Variants in SLC4A11 observed in about 807,000 individuals in gnomAD.
The protein encoded by SLC4A11 is bicarbonate transporter related protein 1.
SLC4A11 carries 74 observed loss-of-function variants against 95.0 expected under a neutral mutation model. The observed-to-expected ratio is 0.78, with a 90% CI of 0.65 to 0.95. The LOEUF (loss-of-function observed/expected upper bound fraction) is 0.95, where lower values mean the gene tolerates loss of function less well. SLC4A11 is among the 40% of genes least tolerant of loss of function. The probability of loss-of-function intolerance (pLI) is 0.00; values close to 1 mark genes in which losing one functional copy is unlikely to be tolerated. For synonymous variants in SLC4A11, 548 were observed against 519.0 expected (o/e 1.06, Z -0.76); for missense variants, 1,081 against 1,192.4 (o/e 0.91, Z 1.38).
intron 19 of SLC4A11, 45 bp downstream of exon 19, chr20:3,228,214 A>G (rs903876118): frequency 1.4e-6 from 2 of 1,402,578 alleles, no homozygotes; most frequent in African/African-American, 1.9e-5. Flanking sequence ...CCCATTCTCC[A>G]CACCTAGACT....
chr20:3,233,738 AG>A, intron 6 of SLC4A11, 101 bp from the exon 7 acceptor site: 1 of 1,574,074 alleles, frequency 6.4e-7, no homozygotes, highest in African/African-American at 1.3e-5. Flanking sequence ...GACCTCTGCT[AG>A]GGAGGGAAAA....
chr20:3,234,439 G>A lies in SLC4A11; in HGVS notation c.292-125C>T. 6.8e-7 allele frequency: 1 copy of A among 1,480,632 alleles called. No homozygotes were observed. Among genetic ancestry groups the A allele is most frequent in the Non-Finnish European group, 9.3e-7 (1 of 1,070,198 alleles). The allele number at this position is 1,480,632 out of a possible 1,614,324, so 91.7% of individuals were successfully genotyped here. A position where few individuals can be genotyped will look rare whatever the true frequency, so the allele number is the denominator to read the frequency against. Reference sequence around the variant, plus strand: ...GCCCCCAGCCCCCAGCCCTGGGCTGGTGCGAGCTCCCTGTTGAGCTGCTCC... The same window carrying A: ...GCCCCCAGCCCCCAGCCCTGGGCTGATGCGAGCTCCCTGTTGAGCTGCTCC... On this transcript the variant is annotated intron_variant, in intron 4 of 19. Coordinates refer to ENST00000642402, the MANE Select transcript of SLC4A11 (RefSeq NM_001174089.2). The surrounding 1 kb of genome is among the most constrained non-coding windows in gnomAD (Gnocchi z 5.8).
rs757632908 is a variant in SLC4A11 at position 3,238,036 on chromosome 20, G to T, written c.44-448C>A. 4.6e-6 allele frequency: 7 copies of T among 1,528,492 alleles called. No homozygotes were observed. The South Asian group carries it at 7.3e-5, about 16-fold the overall frequency. 94.7% of individuals were successfully genotyped at this position (1,528,492 alleles called of 1,614,324 possible). ...CTGCACATCCCTCTTCTCACTCTCA[G>T]ACCGGTCCTGGGGGCCATAAACGCC... On this transcript the variant is annotated intron_variant, in intron 1 of 19. Coordinates refer to ENST00000642402, the MANE Select transcript of SLC4A11 (RefSeq NM_001174089.2).
At position 3,234,813 on chromosome 20, in the gene SLC4A11, G is replaced by T; in HGVS notation, c.170C>A (p.Ser57Tyr). The change falls in exon 3 of 20, where the codon TCC (serine) becomes TAC (tyrosine). Residue 57 changes from serine (S) to tyrosine (Y), a missense_variant. Physicochemically the swap from Ser to Tyr is moderately radical, Grantham distance 144. Coordinates refer to ENST00000642402, the MANE Select transcript of SLC4A11 (RefSeq NM_001174089.2). The surrounding 1 kb of genome is among the most constrained non-coding windows in gnomAD (Gnocchi z 5.8). ...LGDEAFDTAN[S>Y]SIVSGESIRF... is the part of the protein sequence containing the mutation. ...GATACTCTCGCCAGACACGATGGAG[G>T]AGTTGGCAGTGTCGAAGGCCTCATC... is the stretch of plus-strand genomic sequence containing the variant. 1 of 1,614,062 alleles carries T rather than the reference G, an allele frequency of 6.2e-7. No homozygotes were observed. Among genetic ancestry groups the T allele is most frequent in the South Asian group, 1.1e-5 (1 of 91,080 alleles).
At position 3,228,275 on chromosome 20, in the gene SLC4A11, CG is replaced by C; in HGVS notation, c.2541del (p.Ile847MetfsTer3). The C allele has an allele frequency of 1.2e-6, 2 of 1,612,598 alleles. No individual in the cohort carries two copies. The highest frequency in any genetic ancestry group is 1.7e-6 in the Non-Finnish European group (2 of 1,179,896). ...CGCCTGTACCGGATGGGGATCATGG[CG>C]ATCATGATGAGGGGAAAGATCATCT... Reference protein sequence around the residue: ...YMKMIFPLIMIAMIPIRYILL... With the variant: ...YMKMIFPLIMXAMIPIRYILL... On this transcript the variant is annotated frameshift_variant, in exon 19 of 20. Coordinates refer to ENST00000642402, the MANE Select transcript of SLC4A11 (RefSeq NM_001174089.2). LOFTEE classifies it high-confidence loss of function.
chr20:3,227,750 G>A lies in SLC4A11; in HGVS notation c.*37C>T. The A allele has an allele frequency of 6.2e-7, 1 of 1,606,398 alleles. No individual in the cohort carries two copies. Among genetic ancestry groups the A allele is most frequent in the African/African-American group, 1.3e-5 (1 of 74,920 alleles). On this transcript the variant is annotated 3_prime_UTR_variant, in exon 20 of 20. Coordinates refer to ENST00000642402, the MANE Select transcript of SLC4A11 (RefSeq NM_001174089.2). Reference sequence around the variant, plus strand: ...TCCAGAGCCAGCCTGGGAGGACGTGGAGGGCTGGCGAATGGGGCGTGGGCA... The same window carrying A: ...TCCAGAGCCAGCCTGGGAGGACGTGAAGGGCTGGCGAATGGGGCGTGGGCA...
Position 3,229,516 on chromosome 20 carries a change from C to T in SLC4A11, c.1742+8G>A, listed in dbSNP as rs2067679229. ...TGCGGCCCCTCCCCTCCCCATGCAGCCCCTCACCTCTTCTTGAATTGGTAG... is the reference window on the plus strand; with the variant it reads ...TGCGGCCCCTCCCCTCCCCATGCAGTCCCTCACCTCTTCTTGAATTGGTAG... On this transcript the variant is annotated splice_region_variant and intron_variant, in intron 14 of 19. Transcript: ENST00000642402. The T allele has an allele frequency of 1.2e-6, 2 of 1,612,752 alleles. No homozygotes were observed. Among genetic ancestry groups the T allele is most frequent in the Non-Finnish European group, 1.7e-6 (2 of 1,179,952 alleles).
At chr20:3,238,360 C>T (rs1568548911) in intron 1 of SLC4A11, 2 of 985,440 alleles carry the variant, frequency 2.0e-6, no homozygotes, top group Non-Finnish European at 2.4e-6. Flanking sequence ...GACTCGGAGA[C>T]CCCGGGGGTC....
At chr20:3,233,684 CTGGGGCTCCCCG>C in intron 6 of SLC4A11, 47 bp from the exon 7 acceptor site, 1 of 1,606,060 alleles carries the variant, frequency 6.2e-7, no homozygotes. Context: ...CCCCAGGGAG[CTGGGGCTCCCCG>C]ACCCAGAACC....
At chr20:3,239,526 G>A (rs978826878), upstream of SLC4A11, 2 of 991,762 alleles carry the variant, frequency 2.0e-6, no homozygotes, top group Non-Finnish European at 2.4e-6. Context: ...ACTGCGCCAC[G>A]AGCCCACCGA....
rs368073003 is a variant in SLC4A11, at chr20:3,229,598, C to T, written c.1668G>A (p.Ala556=). The change falls in exon 14 of 20, where the codon GCG becomes GCA. Residue 556 remains alanine (A), a synonymous_variant. Coordinates refer to ENST00000642402, the MANE Select transcript of SLC4A11 (RefSeq NM_001174089.2). ...TGATGAGGAGGCTGAGCACGGCGGT[C>T]GCCTGGCCTGAGTGTGTGGCCGAGG... ...ELPSATHSGQ[A]TAVLSLLIML... The T allele has an allele frequency of 8.0e-5, 129 of 1,612,498 alleles. No individual in the cohort carries two copies. Among genetic ancestry groups the T allele is most frequent in the Non-Finnish European group, 1.0e-4 (121 of 1,179,918 alleles).
At position 3,234,424 on chromosome 20, in the gene SLC4A11, C is replaced by T. The variant is rs758563131; in HGVS notation, c.292-110G>A. On this transcript the variant is annotated intron_variant, in intron 4 of 19. Coordinates refer to ENST00000642402, the MANE Select transcript of SLC4A11 (RefSeq NM_001174089.2). This position sits in a 1 kb window ranked among gnomAD's most constrained non-coding sequence, Gnocchi z 5.8. ...GCAGTCCAGCCCCCAGCCCCCAGCC[C>T]CCAGCCCTGGGCTGGTGCGAGCTCC... 371 of 1,510,626 alleles carry T rather than the reference C, an allele frequency of 2.5e-4. No homozygotes were observed. Among genetic ancestry groups the T allele is most frequent in the Non-Finnish European group, 3.0e-4 (327 of 1,092,918 alleles). The allele number at this position is 1,510,626 out of a possible 1,614,324, so 93.6% of individuals were successfully genotyped here.
At chr20:3,238,123 G>A (rs2122657984) in intron 1 of SLC4A11, 1 of 1,453,852 alleles carries the variant, frequency 6.9e-7, no homozygotes, top group African/African-American at 1.4e-5. Flanking sequence ...GGGCCGACAG[G>A]CAACGGTCTC....
rs771829953 is a variant in SLC4A11 at position 3,237,961 on chromosome 20, C to T, written c.44-373G>A. 2.6e-6 allele frequency: 4 copies of T among 1,550,386 alleles called. No individual in the cohort carries two copies. The South Asian group carries it at 3.6e-5, about 14-fold the overall frequency. ...TGCAGCGAGAGGAAGGGACCGGGCC[C>T]GAGCGGGCCTCTCCCCCTCTCTCCT... On this transcript the variant is annotated intron_variant, in intron 1 of 19. Transcript: ENST00000642402.
At chr20:3,228,139 C>CCCCCCA in intron 19 of SLC4A11, 120 bp downstream of exon 19, 1 of 630,242 alleles carries the variant, frequency 1.6e-6, no homozygotes, top group Non-Finnish European at 2.9e-6. Flanking sequence ...CCTGGGCACC[C>CCCCCCA]ACCCCAACCC....
Position 3,231,577 on chromosome 20 carries a change from A to T in SLC4A11, c.730-29T>A, listed in dbSNP as rs573322136. On this transcript the variant is annotated intron_variant, in intron 7 of 19. Coordinates refer to ENST00000642402, the MANE Select transcript of SLC4A11 (RefSeq NM_001174089.2). The surrounding 1 kb of genome is among the most constrained non-coding windows in gnomAD (Gnocchi z 5.2). ...GGGGTGGAGGATGGGAGTCACCCCT[A>T]GAAACAGAGGAGGCCCTGCCCGGGC... The T allele has an allele frequency of 0.22, 352,574 of 1,607,358 alleles. 39,196 individuals carry two copies. The highest frequency in any genetic ancestry group is 0.31 in the East Asian group (13,852 of 44,776).
At chr20:3,229,055 C>A (rs1315813173) in intron 16 of SLC4A11, 40 bp downstream of exon 16, 2 of 1,557,088 alleles carry the variant, frequency 1.3e-6, no homozygotes. Flanking sequence ...ACAGCAGAGG[C>A]CCGGGCCCCG....
rs1221794778 is a variant in SLC4A11 at position 3,231,541 on chromosome 20, G to A, written c.737C>T (p.Thr246Ile). ...GCGCGCCACCTCCATCGCAGTCTTA[G>A]TGCTTTTCTAGGGGTGGAGGATGGG... ...LVLAPPKMKSTKTAMEVARTF... is the reference protein window; with the variant it reads ...LVLAPPKMKSIKTAMEVARTF... The change falls in exon 8 of 20, where the codon ACT (threonine) becomes ATT (isoleucine). Residue 246 changes from threonine to isoleucine, a missense_variant. Thr to Ile is a moderately conservative substitution (Grantham distance 89, BLOSUM62 -1). This residue lies in a region of SLC4A11 where 767 missense variants were observed against 858.0 expected (regional missense o/e 0.89). Coordinates refer to ENST00000642402, the MANE Select transcript of SLC4A11 (RefSeq NM_001174089.2). This position sits in a 1 kb window ranked among gnomAD's most constrained non-coding sequence, Gnocchi z 5.2. 1.9e-6 allele frequency: 3 copies of A among 1,613,112 alleles called. No homozygotes were observed. The African/African-American group carries it at 4.0e-5, about 22-fold the overall frequency.
chr20:3,233,435 A>T, intron 7 of SLC4A11, 79 bp downstream of exon 7: 1 of 1,600,358 alleles, frequency 6.2e-7, no homozygotes, highest in Non-Finnish European at 8.5e-7. Context: ...AGGCCAGGAC[A>T]TGTGGGAGGG....
Sources: allele counts gnomAD v4.1 joint callset, GRCh38; gene constraint gnomAD v4.1.1; regional missense constraint gnomAD v4.1.1; non-coding constraint Gnocchi (gnomAD v3.1); transcripts MANE v1.5; gene names NCBI Gene and HGNC (gene_info 2026-07-23, HGNC 2026-07-21).